The following WLS variants were observed in gnomAD, a reference collection of about 807,000 sequenced individuals.
The protein encoded by WLS is protein wntless homolog.
A neutral mutation model predicts 62.8 loss-of-function variants in WLS; 23 were observed. That is an observed-to-expected ratio of 0.37 (90% CI 0.26 to 0.52). The LOEUF is 0.52. WLS is among the 20% of genes least tolerant of loss of function. WLS has a pLI of 0.92. For missense variants in WLS, 615 were observed against 697.3 expected, an observed-to-expected ratio of 0.88 and a Z score of 1.33; for synonymous variants, 246 against 244.1, an observed-to-expected ratio of 1.01 and a Z score of -0.07.
intron 11 of WLS, among the ~76,000 whole-genome samples, chr1:68,117,117 TTTCTC>T (rs1321828412): frequency 3.9e-5 from 6 of 152,058 alleles, no homozygotes; most frequent in Non-Finnish European, 7.4e-5. Context: ...CTTTCTCCGT[TTTCTC>T]TAATCATATT....
intron 1 of WLS, among the ~76,000 whole-genome samples, chr1:68,231,074 G>C (rs1197068666): frequency 6.6e-6 from 1 of 152,230 alleles, no homozygotes; most frequent in Non-Finnish European, 1.5e-5. Flanking sequence ...CCTCCCGTCC[G>C]CGCCCGCTGC....
intron 11 of WLS, among the ~76,000 whole-genome samples, chr1:68,134,523 TCA>T (rs796749361): frequency 3.3e-5 from 5 of 152,336 alleles, no homozygotes; most frequent in African/African-American, 9.6e-5. Context: ...GAATGTTTTT[TCA>T]CAGAGGGTCT....
intron 10 of WLS, chr1:68,138,236 T>C: frequency 9.0e-6 from 3 of 334,748 alleles, no homozygotes; most frequent in Non-Finnish European, 1.7e-5. Context: ...TTAAACAAAC[T>C]GTGTTTGAGC....
At chr1:68,204,881 A>C (rs949201666) in intron 1 of WLS, among the ~76,000 whole-genome samples, 3 of 152,192 alleles carry the variant, frequency 2.0e-5, no homozygotes, top group African/African-American at 7.2e-5. Context: ...GAACCCTACA[A>C]AATTATAAGC....
chr1:68,204,535 C>T (rs980160774), intron 1 of WLS, among the ~76,000 whole-genome samples: 2 of 152,196 alleles, frequency 1.3e-5, no homozygotes, highest in African/African-American at 2.4e-5. Context: ...TCTCCATCTC[C>T]TGACCTGGTG....
At chr1:68,146,911 G>GA (rs1646759720) in intron 8 of WLS, among the ~76,000 whole-genome samples, 1 of 151,822 alleles carries the variant, frequency 6.6e-6, no homozygotes, top group Admixed American at 6.6e-5. Flanking sequence ...TTGAGACAGA[G>GA]TTTTGCTTTT....
chr1:68,201,997 A>G (rs1228276441), intron 1 of WLS: 1 of 152,258 alleles, frequency 6.6e-6, no homozygotes, highest in Non-Finnish European at 1.5e-5. Flanking sequence ...TGCTTCGCCT[A>G]CAACCTCAAT....
At chr1:68,125,305 C>A, downstream of WLS, 1 of 984,438 alleles carries the variant, frequency 1.0e-6, no homozygotes, top group Non-Finnish European at 1.2e-6. Flanking sequence ...CCTATTTCCC[C>A]CATCAACTCC....
chr1:68,106,750 GTA>G (rs60337090), intron 11 of WLS, among the ~76,000 whole-genome samples: 52 of 138,920 alleles, frequency 3.7e-4, no homozygotes, highest in African/African-American at 1.5e-3. Flanking sequence ...GTGTGTGTGT[GTA>G]TGTGTGGGTA....
At position 68,150,274 on chromosome 1, in the gene WLS, T is replaced by C; in HGVS notation, c.886A>G (p.Met296Val). Reference sequence around the variant, plus strand: ...TGTCGGATGTCACCAAACAGCAGCATCCAGGTCCAGTCAAACCCGATGGAA... The same window carrying C: ...TGTCGGATGTCACCAAACAGCAGCACCCAGGTCCAGTCAAACCCGATGGAA... The part of the protein sequence containing the change: ...WFSIGFDWTW[M>V]LLFGDIRQGI... Residue 296 changes from methionine (M) to valine (V), a missense_variant, in exon 6 of 12, where the codon ATG becomes GTG. By Grantham distance (21) the Met-to-Val change is conservative. Coordinates refer to ENST00000262348, the MANE Select transcript of WLS (RefSeq NM_024911.7). 6.2e-7 allele frequency: 1 copy of C among 1,614,166 alleles called. No individual in the cohort carries two copies. The highest frequency in any genetic ancestry group is 8.5e-7 in the Non-Finnish European group (1 of 1,180,034).
At chr1:68,165,422 C>T (rs767653041) in intron 2 of WLS, among the ~76,000 whole-genome samples, 6 of 152,142 alleles carry the variant, frequency 3.9e-5, no homozygotes, top group Admixed American at 2.0e-4. Flanking sequence ...GACCACGCTC[C>T]GAGATGTCAG....
chr1:68,183,802 G>A (rs1647739179), intron 2 of WLS, among the ~76,000 whole-genome samples: 2 of 152,026 alleles, frequency 1.3e-5, no homozygotes, highest in African/African-American at 2.4e-5. Context: ...CATCTAACTT[G>A]AAAACTGACT....
chr1:68,177,480 A>G (rs1647309488), intron 2 of WLS, among the ~76,000 whole-genome samples: 1 of 152,276 alleles, frequency 6.6e-6, no homozygotes, highest in East Asian at 1.9e-4. Flanking sequence ...TCTCTGGAAC[A>G]CAATTCCTCC....
Position 68,187,319 on chromosome 1 carries a change from T to C in WLS, c.379+6636A>G, listed in dbSNP as rs546062990. Among the ~76,000 whole-genome samples, 53 of 152,212 alleles carry C rather than the reference T, an allele frequency of 3.5e-4. No homozygotes were observed. In the South Asian group the frequency reaches 6.4e-3, roughly 18 times the overall value. Reference sequence around the variant, plus strand: ...TTTATACATTTATCAAATGAATAATTAGTGGTCCATCTTGTTAACTTTTTA... The same window carrying C: ...TTTATACATTTATCAAATGAATAATCAGTGGTCCATCTTGTTAACTTTTTA... On this transcript the variant is annotated intron_variant, in intron 2 of 11. Coordinates refer to ENST00000262348, the MANE Select transcript of WLS (RefSeq NM_024911.7).
intron 5 of WLS, 57 bp downstream of exon 5, chr1:68,153,460 C>G: frequency 6.2e-7 from 1 of 1,607,922 alleles, no homozygotes; most frequent in Non-Finnish European, 8.5e-7. Flanking sequence ...AAAGCAAGAG[C>G]TTGGCAGATC....
At chr1:68,102,013 T>C (rs1303357895) in intron 11 of WLS, among the ~76,000 whole-genome samples, 1 of 152,162 alleles carries the variant, frequency 6.6e-6, no homozygotes, top group Non-Finnish European at 1.5e-5. Context: ...AATACCTTCG[T>C]TATAGCTGCT....
At chr1:68,149,903 T>G (rs1471063653) in intron 6 of WLS, among the ~76,000 whole-genome samples, 1 of 152,218 alleles carries the variant, frequency 6.6e-6, no homozygotes, top group Non-Finnish European at 1.5e-5. Flanking sequence ...TTCTGTCATT[T>G]AATTCTCATG....
rs1031832689 is a variant in WLS, at chr1:68,126,090, T to G, written c.*136A>C. Reference sequence around the variant, plus strand: ...CAGAAGGCAAACTGACAAATGTCCATGCCGCTGGTCCAAGAAACCACAGCT... The same window carrying G: ...CAGAAGGCAAACTGACAAATGTCCAGGCCGCTGGTCCAAGAAACCACAGCT... On this transcript the variant is annotated 3_prime_UTR_variant, in exon 12 of 12. Coordinates refer to ENST00000262348, the MANE Select transcript of WLS (RefSeq NM_024911.7). 70 of 1,451,928 alleles carry G rather than the reference T, an allele frequency of 4.8e-5. No homozygotes were observed. The highest frequency in any genetic ancestry group is 4.9e-4 in the Middle Eastern group (2 of 4,120). 89.9% of individuals were successfully genotyped at this position (1,451,928 alleles called of 1,614,324 possible).
chr1:68,198,629 TG>T, intron 1 of WLS, among the ~76,000 whole-genome samples: 1 of 152,266 alleles, frequency 6.6e-6, no homozygotes, highest in African/African-American at 2.4e-5. Flanking sequence ...CACTAGACAC[TG>T]CCGGTTCTGG....
Sources: allele counts gnomAD v4.1 joint callset (sites outside exome capture counted in the v4.1 genomes callset), GRCh38; gene constraint gnomAD v4.1.1; transcripts MANE v1.5; gene names NCBI Gene and HGNC (gene_info 2026-07-23, HGNC 2026-07-21).